Variants in AHCYL2 observed in about 807,000 individuals in gnomAD.
AHCYL2 encodes the protein adenosylhomocysteinase like 2, also known as S-adenosylhomocysteine hydrolase-like protein 2.
AHCYL2 carries 28 observed loss-of-function variants against 81.4 expected under a neutral mutation model. That is an observed-to-expected ratio of 0.34 (90% CI 0.25 to 0.47). AHCYL2 has a LOEUF of 0.47. Among genes scored for constraint, AHCYL2 ranks in the 20% least tolerant of loss-of-function variants. The probability of loss-of-function intolerance (pLI) is 1.00; values close to 1 mark genes in which losing one functional copy is unlikely to be tolerated. For missense variants in AHCYL2, 551 were observed against 785.1 expected (o/e 0.70, Z 3.56); for synonymous variants, 272 against 290.2 (o/e 0.94, Z 0.64).
chr7:129,421,054 C>T (rs1022026150), intron 12 of AHCYL2, among the ~76,000 whole-genome samples: 2 of 152,026 alleles, frequency 1.3e-5, no homozygotes, highest in Non-Finnish European at 2.9e-5. Flanking sequence ...GGTTCGAGAC[C>T]AGCCTGGTCA....
chr7:129,304,753 A>G (rs1367189727), intron 1 of AHCYL2, among the ~76,000 whole-genome samples: 1 of 150,562 alleles, frequency 6.6e-6, no homozygotes, highest in Non-Finnish European at 1.5e-5. Context: ...TCATCCTTTC[A>G]TTTTCACTCT....
intron 6 of AHCYL2, among the ~76,000 whole-genome samples, chr7:129,400,926 G>A (rs1489350885): frequency 1.3e-5 from 2 of 152,116 alleles, no homozygotes; most frequent in African/African-American, 4.8e-5. Flanking sequence ...TAAAAAAGAC[G>A]AGATGAAGTT....
At chr7:129,306,228 G>C (rs910225204) in intron 1 of AHCYL2, among the ~76,000 whole-genome samples, 1 of 151,824 alleles carries the variant, frequency 6.6e-6, no homozygotes, top group Non-Finnish European at 1.5e-5. Context: ...TCTTATATTT[G>C]CCCTTTTGAG....
chr7:129,421,230 T>A (rs1337413527), intron 12 of AHCYL2, among the ~76,000 whole-genome samples: 2 of 147,502 alleles, frequency 1.4e-5, no homozygotes, highest in Admixed American at 1.4e-4. Flanking sequence ...GCAGCCTGGG[T>A]GACAGAGTGA....
intron 1 of AHCYL2, among the ~76,000 whole-genome samples, chr7:129,290,905 G>GACAGAGTGAGACTCTGTTA (rs1488600810): frequency 2.6e-5 from 4 of 151,754 alleles, no homozygotes; most frequent in African/African-American, 9.7e-5. Context: ...ACTCTAGCCT[G>GACAGAGTGAGACTCTGTTA]GGCGACAGAG....
intron 1 of AHCYL2, chr7:129,377,577 G>A (rs1584850995): frequency 6.6e-6 from 3 of 456,506 alleles, no homozygotes; most frequent in Non-Finnish European, 8.8e-6. Flanking sequence ...TCATTCTGGT[G>A]TACTGTATGT....
At chr7:129,269,886 T>C (rs6967464) in intron 1 of AHCYL2, among the ~76,000 whole-genome samples, 98,471 of 152,048 alleles carry the variant, frequency 0.65, 32,644 homozygotes, top group Non-Finnish European at 0.72. Flanking sequence ...TTATGGACAT[T>C]AAAATATATT....
intron 1 of AHCYL2, among the ~76,000 whole-genome samples, chr7:129,327,566 A>G (rs537034433): frequency 6.6e-6 from 1 of 152,046 alleles, no homozygotes; most frequent in African/African-American, 2.4e-5. Flanking sequence ...TCCCAGGTTC[A>G]AGCAATTCTC....
chr7:129,300,255 G>A (rs1797213009), intron 1 of AHCYL2, among the ~76,000 whole-genome samples: 1 of 151,598 alleles, frequency 6.6e-6, no homozygotes, highest in Non-Finnish European at 1.5e-5. Flanking sequence ...CTGGTTTTTT[G>A]TACCCATGAG....
chr7:129,310,261 G>C (rs1247201864), intron 1 of AHCYL2, among the ~76,000 whole-genome samples: 1 of 152,084 alleles, frequency 6.6e-6, no homozygotes, highest in Non-Finnish European at 1.5e-5. Flanking sequence ...TACTCTTTTA[G>C]ATTTATCATT....
intron 2 of AHCYL2, among the ~76,000 whole-genome samples, chr7:129,386,366 G>A (rs867175329): frequency 2.0e-5 from 3 of 152,162 alleles, no homozygotes; most frequent in African/African-American, 7.2e-5. Flanking sequence ...AGGAGGCTGA[G>A]GCAGGATAAT....
intron 1 of AHCYL2, among the ~76,000 whole-genome samples, chr7:129,230,076 A>G (rs1483792287): frequency 7.1e-6 from 1 of 140,262 alleles, no homozygotes; most frequent in East Asian, 2.0e-4. Context: ...GTTTTATTTA[A>G]TTCTTTTTTT....
intron 1 of AHCYL2, among the ~76,000 whole-genome samples, chr7:129,281,164 A>C (rs1439087459): frequency 6.6e-6 from 1 of 152,002 alleles, no homozygotes; most frequent in Non-Finnish European, 1.5e-5. Flanking sequence ...CACCCGGCCC[A>C]TTGATTCATT....
chr7:129,349,674 C>T (rs910641752), intron 1 of AHCYL2, among the ~76,000 whole-genome samples: 4 of 120,650 alleles, frequency 3.3e-5, no homozygotes, highest in Non-Finnish European at 7.1e-5. Flanking sequence ...AAAAAAAAAG[C>T]GTATGCCAAC....
In AHCYL2 at chr7:129,299,369, G is replaced by GTTTTTTTTTTTT. The variant is rs71162592; in HGVS notation, c.363+73961_363+73972dup. Among the ~76,000 whole-genome samples, 26 of 46,306 alleles carry GTTTTTTTTTTTT rather than the reference G, an allele frequency of 5.6e-4. 6 individuals carry two copies. Among genetic ancestry groups the GTTTTTTTTTTTT allele is most frequent in the African/African-American group, 9.0e-4 (11 of 12,216 alleles). 30.4% of individuals were successfully genotyped at this position (46,306 alleles called of 152,430 possible). A position where few individuals can be genotyped will look rare whatever the true frequency, so the allele number is the denominator to read the frequency against. On this transcript the variant is annotated intron_variant, in intron 1 of 16. Transcript: ENST00000325006. ...AGGCTGAGGTGGGAGAGTCCAACTT[G>GTTTTTTTTTTTT]TTTTTTTTTTTTTTTTTTTTTTTTT...
chr7:129,261,890 TA>T, intron 1 of AHCYL2, among the ~76,000 whole-genome samples: 1 of 152,326 alleles, frequency 6.6e-6, no homozygotes, highest in African/African-American at 2.4e-5. Context: ...AGTTTCCTCT[TA>T]ACCATTTGCA....
intron 1 of AHCYL2, among the ~76,000 whole-genome samples, chr7:129,365,669 G>C (rs1794089104): frequency 8.1e-6 from 1 of 124,200 alleles, no homozygotes; most frequent in Non-Finnish European, 1.7e-5. Flanking sequence ...ATTGTCTTCT[G>C]GGAAAGGATT....
At chr7:129,250,721 A>C (rs1002906308) in intron 1 of AHCYL2, among the ~76,000 whole-genome samples, 3 of 151,446 alleles carry the variant, frequency 2.0e-5, no homozygotes, top group African/African-American at 7.3e-5. Flanking sequence ...GTTTTGGCTG[A>C]CTAAGGGACT....
chr7:129,345,886 G>A (rs995935738), intron 1 of AHCYL2, among the ~76,000 whole-genome samples: 1 of 152,108 alleles, frequency 6.6e-6, no homozygotes, highest in African/African-American at 2.4e-5. Flanking sequence ...CAGGTTTGGG[G>A]GGGTAAGATG....
Sources: gnomAD v4.1 joint callset for allele counts (sites outside exome capture counted in the v4.1 genomes callset) on GRCh38, gnomAD v4.1.1 for gene constraint, MANE v1.5 for transcripts, NCBI Gene and HGNC (gene_info 2026-07-23, HGNC 2026-07-21) for gene names.